The following RAD23B variants were observed in gnomAD, a reference collection of about 807,000 sequenced individuals.
The protein encoded by RAD23B is RAD23 nucleotide excision repair protein B.
In RAD23B, 5 loss-of-function variants were observed where a neutral mutation model predicts 49.1. That is an observed-to-expected ratio of 0.10 (90% CI 0.05 to 0.21). The LOEUF (loss-of-function observed/expected upper bound fraction) is 0.21. Ranked by LOEUF, RAD23B falls within the 10% of genes least tolerant of loss-of-function variation. The pLI is 1.00. For missense variants in RAD23B, 356 were observed against 486.7 expected, an observed-to-expected ratio of 0.73 and a Z score of 2.53; for synonymous variants, 184 against 165.4, an observed-to-expected ratio of 1.11 and a Z score of -0.86.
chr9:107,313,372 C>T (rs577060317), intron 5 of RAD23B, among the ~76,000 whole-genome samples: 2 of 152,024 alleles, frequency 1.3e-5, no homozygotes, highest in East Asian at 1.9e-4. Context: ...ATTACAGGCA[C>T]GTGCCACCAC....
intron 1 of RAD23B, among the ~76,000 whole-genome samples, chr9:107,291,504 A>G (rs1239776202): frequency 1.3e-5 from 2 of 152,206 alleles, no homozygotes; most frequent in Non-Finnish European, 2.9e-5. Context: ...CACATAATTA[A>G]TGTTATGCTA....
At chr9:107,299,636 C>T (rs771064057) in intron 1 of RAD23B, among the ~76,000 whole-genome samples, 4 of 152,132 alleles carry the variant, frequency 2.6e-5, no homozygotes, top group Non-Finnish European at 4.4e-5. Context: ...AGGTCCCACT[C>T]TCAGAGATTA....
At position 107,330,528 on chromosome 9, in the gene RAD23B, C is replaced by T. The variant is rs1827287628; in HGVS notation, c.*872C>T. 1 of 152,624 alleles carries T rather than the reference C, an allele frequency of 6.6e-6. No individual in the cohort carries two copies. Among genetic ancestry groups the T allele is most frequent in the Admixed American group, 6.5e-5 (1 of 15,288 alleles). The allele number at this position is 152,624 out of a possible 1,614,324, so 9.5% of individuals were successfully genotyped here. A position where few individuals can be genotyped will look rare whatever the true frequency, so the allele number is the denominator to read the frequency against. ...AATGGAGAAATGCAGCATTCACTCT[C>T]CCTGTCTTTTCCCCTTCCCTCAGCA... On this transcript the variant is annotated 3_prime_UTR_variant, in exon 10 of 10. Transcript: ENST00000358015. The surrounding 1 kb of genome is among the most constrained non-coding windows in gnomAD (Gnocchi z 4.4).
chr9:107,323,273 A>G (rs1205103226), intron 7 of RAD23B, among the ~76,000 whole-genome samples: 1 of 152,216 alleles, frequency 6.6e-6, no homozygotes, highest in Non-Finnish European at 1.5e-5. Context: ...AGATTGCCAT[A>G]CAGCTTATTT....
rs1357928694 is a variant in RAD23B, at chr9:107,318,193, TG to T, written c.554-558del. ...ACACAGATTAACTGTCTTCTAGTAC[TG>T]TAGGTTAGAAGTGTGACACAGGGCT... On this transcript the variant is annotated intron_variant, in intron 5 of 9. Transcript: ENST00000358015. The surrounding 1 kb of genome is among the most constrained non-coding windows in gnomAD (Gnocchi z 4.3). Among the ~76,000 whole-genome samples, 1 of 152,194 alleles carries T rather than the reference TG, an allele frequency of 6.6e-6. No homozygotes were observed. The highest frequency in any genetic ancestry group is 1.5e-5 in the Non-Finnish European group (1 of 68,024).
chr9:107,299,626 A>G (rs1391662101), intron 1 of RAD23B, among the ~76,000 whole-genome samples: 2 of 152,206 alleles, frequency 1.3e-5, no homozygotes, highest in Non-Finnish European at 2.9e-5. Context: ...ACTGATGTCA[A>G]GGTCCCACTC....
chr9:107,287,553 T>C (rs1437662683), intron 1 of RAD23B, among the ~76,000 whole-genome samples: 1 of 152,176 alleles, frequency 6.6e-6, no homozygotes, highest in African/African-American at 2.4e-5. Context: ...TTTACCTCTA[T>C]AATGTGATTG....
At chr9:107,316,287 G>T (rs1182579376) in intron 5 of RAD23B, among the ~76,000 whole-genome samples, 1 of 152,142 alleles carries the variant, frequency 6.6e-6, no homozygotes, top group Non-Finnish European at 1.5e-5. Flanking sequence ...TGGGATTACA[G>T]GCGTGAGCCA....
At chr9:107,304,374 T>C (rs1170855944) in intron 3 of RAD23B, among the ~76,000 whole-genome samples, 1 of 152,236 alleles carries the variant, frequency 6.6e-6, no homozygotes, top group East Asian at 1.9e-4. Flanking sequence ...AATTTTCACC[T>C]TTGTGAAGCT....
chr9:107,285,019 G>A (rs749179838), intron 1 of RAD23B: 77 of 1,185,276 alleles, frequency 6.5e-5, no homozygotes, highest in Non-Finnish European at 7.9e-5. Context: ...TTAATCTTAA[G>A]TTTTGTACAT....
chr9:107,311,428 A>G (rs1487697926), intron 4 of RAD23B, among the ~76,000 whole-genome samples: 3 of 152,088 alleles, frequency 2.0e-5, no homozygotes, highest in African/African-American at 7.2e-5. Flanking sequence ...ATATTATTTT[A>G]TATATTTTGA....
At chr9:107,328,814 T>G (rs986671205) in intron 9 of RAD23B, among the ~76,000 whole-genome samples, 4 of 152,228 alleles carry the variant, frequency 2.6e-5, no homozygotes, top group Non-Finnish European at 5.9e-5. Flanking sequence ...GGGTGACATT[T>G]GGCTGAGTTT....
At position 107,286,678 on chromosome 9, in the gene RAD23B, T is replaced by A. The variant is rs532648844; in HGVS notation, c.66+2983T>A. Among the ~76,000 whole-genome samples the A allele has an allele frequency of 1.5e-3, 232 of 152,308 alleles. 1 individual carries two copies. The highest frequency in any genetic ancestry group is 2.6e-3 in the Non-Finnish European group (180 of 68,016). ...GATTTTCTTCATTATGTGCTTTTTT[T>A]GTTTTTTACTGTAAAAATTGTGGGA... On this transcript the variant is annotated intron_variant, in intron 1 of 9. Coordinates refer to ENST00000358015, the MANE Select transcript of RAD23B (RefSeq NM_002874.5).
intron 3 of RAD23B, among the ~76,000 whole-genome samples, chr9:107,304,334 T>G (rs1295886889): frequency 6.6e-6 from 1 of 152,196 alleles, no homozygotes; most frequent in Non-Finnish European, 1.5e-5. Context: ...CTAGATTGGT[T>G]ATTATAAAGT....
At chr9:107,328,947 T>C (rs1365887819) in intron 9 of RAD23B, among the ~76,000 whole-genome samples, 2 of 152,200 alleles carry the variant, frequency 1.3e-5, no homozygotes, top group Non-Finnish European at 2.9e-5. Context: ...CAGATAAAAA[T>C]AGAACATTAT....
intron 2 of RAD23B, among the ~76,000 whole-genome samples, chr9:107,300,757 C>T (rs934355905): frequency 1.3e-5 from 2 of 152,034 alleles, no homozygotes; most frequent in African/African-American, 2.4e-5. Context: ...CACTAATAAC[C>T]AGGAAAATGT....
At chr9:107,286,561 A>G (rs920029432) in intron 1 of RAD23B, among the ~76,000 whole-genome samples, 1 of 152,196 alleles carries the variant, frequency 6.6e-6, no homozygotes, top group Non-Finnish European at 1.5e-5. Flanking sequence ...TGTTTCTACA[A>G]TTGTAATGCA....
At chr9:107,301,573 C>T (rs1362445673) in intron 2 of RAD23B, among the ~76,000 whole-genome samples, 1 of 152,132 alleles carries the variant, frequency 6.6e-6, no homozygotes, top group African/African-American at 2.4e-5. Flanking sequence ...GGGTCTTGCT[C>T]TGTCACCCAA....
chr9:107,311,183 A>G (rs1002202325), intron 4 of RAD23B, among the ~76,000 whole-genome samples: 6 of 152,090 alleles, frequency 3.9e-5, no homozygotes, highest in Non-Finnish European at 7.4e-5. Flanking sequence ...TGCATATGCT[A>G]TATTTCTTTA....
Sources: gnomAD v4.1 joint callset for allele counts (sites outside exome capture counted in the v4.1 genomes callset) on GRCh38, gnomAD v4.1.1 for gene constraint, Gnocchi (gnomAD v3.1) non-coding constraint, MANE v1.5 for transcripts, NCBI Gene and HGNC (gene_info 2026-07-23, HGNC 2026-07-21) for gene names.